MGAT5: variants seen among roughly 807,000 people sequenced by gnomAD.
MGAT5 encodes the protein alpha-1,6-mannosylglycoprotein 6-beta-N-acetylglucosaminyltransferase.
Under a neutral mutation model 94.3 loss-of-function variants are expected in MGAT5, and 30 were observed. That is an observed-to-expected ratio of 0.32 (90% confidence interval 0.24 to 0.43). The LOEUF is 0.43. Among genes scored for constraint, MGAT5 ranks in the 20% least tolerant of loss-of-function variants. MGAT5 has a pLI of 1.00. For missense variants in MGAT5, 691 were observed against 905.5 expected (o/e 0.76, Z 3.04); for synonymous variants, 310 against 322.9 (o/e 0.96, Z 0.43).
intron 1 of MGAT5, among the ~76,000 whole-genome samples, chr2:134,265,979 C>A (rs1683686637): frequency 6.6e-6 from 1 of 151,790 alleles, no homozygotes; most frequent in South Asian, 2.1e-4. Context: ...ACCAGCCTGA[C>A]CAAGATGGTG....
At chr2:134,420,368 A>C (rs1201062520) in intron 12 of MGAT5, among the ~76,000 whole-genome samples, 1 of 152,126 alleles carries the variant, frequency 6.6e-6, no homozygotes, top group Non-Finnish European at 1.5e-5. Context: ...TTTATCACTG[A>C]CCATAGAGCT....
At chr2:134,132,498 C>A (rs1686223591) in intron 1 of MGAT5, among the ~76,000 whole-genome samples, 2 of 152,196 alleles carry the variant, frequency 1.3e-5, no homozygotes. Flanking sequence ...AAATTTTGGT[C>A]AGAGGTCAGG....
At chr2:134,313,947 C>T (rs1490817587) in intron 2 of MGAT5, among the ~76,000 whole-genome samples, 1 of 152,104 alleles carries the variant, frequency 6.6e-6, no homozygotes, top group Non-Finnish European at 1.5e-5. Context: ...CTTAACCAAA[C>T]TTAAATGAGA....
chr2:134,289,195 C>T (rs979065986), intron 2 of MGAT5, among the ~76,000 whole-genome samples: 5 of 152,172 alleles, frequency 3.3e-5, no homozygotes, highest in African/African-American at 1.2e-4. Context: ...CCAGTCTCTC[C>T]TCTTCCCACA....
At chr2:134,352,315 AG>A (rs1207682452) in intron 9 of MGAT5, among the ~76,000 whole-genome samples, 1 of 152,200 alleles carries the variant, frequency 6.6e-6, no homozygotes, top group Non-Finnish European at 1.5e-5. Flanking sequence ...TAATCATCAT[AG>A]GGGACTGAGT....
intron 4 of MGAT5, among the ~76,000 whole-genome samples, chr2:134,329,117 A>C (rs1312469114): frequency 6.6e-6 from 1 of 152,110 alleles, no homozygotes; most frequent in Non-Finnish European, 1.5e-5. Flanking sequence ...AATGTAATTG[A>C]GTGCCCTGTT....
At chr2:134,374,497 A>T (rs1188937242) in intron 10 of MGAT5, among the ~76,000 whole-genome samples, 1 of 152,220 alleles carries the variant, frequency 6.6e-6, no homozygotes, top group Non-Finnish European at 1.5e-5. Context: ...TCAACCTTCA[A>T]TTGCAAGAAA....
chr2:134,181,301 G>A (rs969774044), intron 1 of MGAT5, among the ~76,000 whole-genome samples: 3 of 152,180 alleles, frequency 2.0e-5, no homozygotes, highest in Admixed American at 2.0e-4. Flanking sequence ...ATTATCCAGC[G>A]TAAATAGTAG....
Position 134,453,013 on chromosome 2 carries a change from CTAGCTTTCT to C in MGAT5, c.*4171_*4179del, listed in dbSNP as rs1456240734. Reference sequence around the variant, plus strand: ...GTCTTGAATGCAGAAAAAAATTACCCTAGCTTTCTTAGCACTTAGGGTTTTGTGAGGATT... The same window carrying C: ...GTCTTGAATGCAGAAAAAAATTACCCTAGCACTTAGGGTTTTGTGAGGATT... On this transcript the variant is annotated 3_prime_UTR_variant, in exon 16 of 16. Transcript: ENST00000281923. 1 of 152,226 alleles carries C rather than the reference CTAGCTTTCT, an allele frequency of 6.6e-6. No individual in the cohort carries two copies. Among genetic ancestry groups the C allele is most frequent in the Non-Finnish European group, 1.5e-5 (1 of 68,044 alleles). The allele number at this position is 152,226 out of a possible 1,614,324, so 9.4% of individuals were successfully genotyped here. A position where few individuals can be genotyped will look rare whatever the true frequency, so the allele number is the denominator to read the frequency against.
chr2:134,138,371 A>G (rs1011801187), intron 1 of MGAT5, among the ~76,000 whole-genome samples: 1 of 152,164 alleles, frequency 6.6e-6, no homozygotes, highest in Non-Finnish European at 1.5e-5. Context: ...TGGAGAGCAT[A>G]AATAAAGTCC....
chr2:134,332,910 G>T (rs910388516), intron 4 of MGAT5, among the ~76,000 whole-genome samples: 3 of 152,054 alleles, frequency 2.0e-5, no homozygotes, highest in East Asian at 1.9e-4. Flanking sequence ...AGTTAGAATG[G>T]CAATCATTAA....
chr2:134,238,515 T>G (rs1681783088), intron 1 of MGAT5, among the ~76,000 whole-genome samples: 2 of 152,234 alleles, frequency 1.3e-5, no homozygotes, highest in African/African-American at 2.4e-5. Flanking sequence ...TATGTATCCT[T>G]GTCAGGAGTT....
intron 13 of MGAT5, among the ~76,000 whole-genome samples, chr2:134,424,358 C>T (rs1374061025): frequency 1.3e-5 from 2 of 152,206 alleles, no homozygotes; most frequent in Non-Finnish European, 2.9e-5. Flanking sequence ...GATGCATTAT[C>T]TGTGCTCTAC....
intron 12 of MGAT5, among the ~76,000 whole-genome samples, chr2:134,419,442 TTGTG>T (rs56181696): frequency 0.087 from 11,714 of 134,082 alleles, 514 homozygotes; most frequent in South Asian, 0.19. Flanking sequence ...GCTTCAGGGT[TTGTG>T]TGTGTGTGTG....
intron 1 of MGAT5, among the ~76,000 whole-genome samples, chr2:134,167,029 G>T (rs1687993560): frequency 6.6e-6 from 1 of 152,110 alleles, no homozygotes; most frequent in African/African-American, 2.4e-5. Flanking sequence ...TGGTAAGATG[G>T]GTCTCAAAGG....
intron 4 of MGAT5, 47 bp from the exon 5 acceptor site, chr2:134,336,170 T>A (rs1688320382): frequency 6.7e-7 from 1 of 1,481,748 alleles, no homozygotes; most frequent in Non-Finnish European, 9.4e-7. Context: ...TGTATATTAA[T>A]TCATTATAGA....
chr2:134,187,404 G>A (rs138713544), intron 1 of MGAT5, among the ~76,000 whole-genome samples: 4 of 152,278 alleles, frequency 2.6e-5, no homozygotes, highest in Admixed American at 6.5e-5. Context: ...ATAAGGGGTT[G>A]GATGTATCCG....
intron 2 of MGAT5, among the ~76,000 whole-genome samples, chr2:134,312,239 A>G (rs78647408): frequency 3.2e-4 from 48 of 152,282 alleles, no homozygotes; most frequent in South Asian, 3.1e-3. Flanking sequence ...GTCTCAAAAC[A>G]AAAAACAAAA....
intron 10 of MGAT5, among the ~76,000 whole-genome samples, chr2:134,381,391 T>TAGGATA (rs1681575150): frequency 1.3e-5 from 1 of 79,984 alleles, no homozygotes; most frequent in Non-Finnish European, 2.6e-5. Context: ...ATTAGATAGA[T>TAGGATA]AGATAGATAG....
Sources: gnomAD v4.1 joint callset for allele counts (sites outside exome capture counted in the v4.1 genomes callset) on GRCh38, gnomAD v4.1.1 for gene constraint, MANE v1.5 for transcripts, NCBI Gene and HGNC (gene_info 2026-07-23, HGNC 2026-07-21) for gene names.